The following ARB2A variants were observed in gnomAD, a reference collection of about 807,000 sequenced individuals.
ARB2A encodes ARB2 cotranscriptional regulator A.
the ARB2A span, among the ~76,000 whole-genome samples, chr5:93,848,389 A>T: frequency 3.0e-5 from 4 of 132,250 alleles, no homozygotes; most frequent in Non-Finnish European, 1.5e-5. Context: ...CTAAAGATTA[A>T]AAAAAAAAAA....
At chr5:93,758,131 G>T in the ARB2A span, among the ~76,000 whole-genome samples, 1 of 152,140 alleles carries the variant, frequency 6.6e-6, no homozygotes, top group African/African-American at 2.4e-5. Context: ...TAAAGCAACA[G>T]CAGTTAAAAG....
At chr5:93,653,444 G>A in the ARB2A span, among the ~76,000 whole-genome samples, 6 of 138,098 alleles carry the variant, frequency 4.3e-5, no homozygotes, top group Admixed American at 4.0e-4. Context: ...CCCGGGAGGC[G>A]GAGCTTGCAG....
At chr5:93,769,476 A>C in the ARB2A span, among the ~76,000 whole-genome samples, 4 of 152,162 alleles carry the variant, frequency 2.6e-5, no homozygotes, top group Non-Finnish European at 5.9e-5. Flanking sequence ...CACCTCAATC[A>C]ATGAATGTTG....
At chr5:93,748,324 A>G in the ARB2A span, among the ~76,000 whole-genome samples, 1 of 152,110 alleles carries the variant, frequency 6.6e-6, no homozygotes, top group East Asian at 1.9e-4. Flanking sequence ...TAGAAGACTT[A>G]GGAGAATGAA....
chr5:94,042,103 G>A, the ARB2A span, among the ~76,000 whole-genome samples: 2 of 152,242 alleles, frequency 1.3e-5, 1 homozygote, highest in South Asian at 4.1e-4. Flanking sequence ...AAGGTTTAAA[G>A]GACTGTTTAA....
At chr5:93,949,830 ACTCT>A in the ARB2A span, among the ~76,000 whole-genome samples, 1 of 151,446 alleles carries the variant, frequency 6.6e-6, no homozygotes, top group Admixed American at 6.6e-5. Flanking sequence ...CCATCATTCC[ACTCT>A]CTATCTCCCT....
the ARB2A span, among the ~76,000 whole-genome samples, chr5:94,005,870 T>C: frequency 2.0e-5 from 3 of 152,110 alleles, no homozygotes; most frequent in Non-Finnish European, 4.4e-5. Context: ...GAAAAAAACA[T>C]AGTGACAACA....
the ARB2A span, among the ~76,000 whole-genome samples, chr5:94,073,261 C>T: frequency 7.2e-5 from 11 of 152,054 alleles, no homozygotes; most frequent in Non-Finnish European, 4.4e-5. Context: ...TCTAATATTT[C>T]CAGTTTACTC....
chr5:93,659,251 C>T, the ARB2A span, among the ~76,000 whole-genome samples: 1 of 152,016 alleles, frequency 6.6e-6, no homozygotes, highest in African/African-American at 2.4e-5. Flanking sequence ...ATTTCATAAT[C>T]TTTTGAAACT....
At chr5:93,828,716 CT>C in the ARB2A span, among the ~76,000 whole-genome samples, 9 of 152,198 alleles carry the variant, frequency 5.9e-5, no homozygotes, top group African/African-American at 2.2e-4. Flanking sequence ...AAGTTACTCA[CT>C]CCCTGCTTAG....
At chr5:93,938,586 T>C in the ARB2A span, among the ~76,000 whole-genome samples, 1 of 152,210 alleles carries the variant, frequency 6.6e-6, no homozygotes, top group Non-Finnish European at 1.5e-5. Context: ...CATTTATTAA[T>C]TTTGTATAAG....
chr5:93,730,687 T>C, the ARB2A span, among the ~76,000 whole-genome samples: 1 of 152,186 alleles, frequency 6.6e-6, no homozygotes, highest in Non-Finnish European at 1.5e-5. Flanking sequence ...ATTAGCTTGA[T>C]AAACTTAGTG....
At chr5:93,837,184 G>T in the ARB2A span, among the ~76,000 whole-genome samples, 1 of 151,962 alleles carries the variant, frequency 6.6e-6, no homozygotes, top group Non-Finnish European at 1.5e-5. Context: ...TCATTGTTTA[G>T]CTCTCACTTA....
the ARB2A span, chr5:94,050,659 G>T: frequency 8.8e-7 from 1 of 1,142,026 alleles, no homozygotes; most frequent in Non-Finnish European, 1.2e-6. Flanking sequence ...ATAAACTGCT[G>T]CATCTTCAAA....
chr5:93,982,181 C>T, the ARB2A span, among the ~76,000 whole-genome samples: 1 of 152,082 alleles, frequency 6.6e-6, no homozygotes, highest in Non-Finnish European at 1.5e-5. Flanking sequence ...AAAAAAATCA[C>T]CTATATTTCC....
chr5:93,841,898 G>C, the ARB2A span, among the ~76,000 whole-genome samples: 2 of 152,176 alleles, frequency 1.3e-5, no homozygotes, highest in African/African-American at 4.8e-5. Flanking sequence ...GAAAATGAAG[G>C]AGTCTGTTTT....
At chr5:93,917,896 T>C in the ARB2A span, among the ~76,000 whole-genome samples, 1 of 152,130 alleles carries the variant, frequency 6.6e-6, no homozygotes, top group East Asian at 1.9e-4. Flanking sequence ...AACAAAACAG[T>C]GGTTCTTTCA....
At chr5:93,868,647 A>T in the ARB2A span, among the ~76,000 whole-genome samples, 1 of 152,326 alleles carries the variant, frequency 6.6e-6, no homozygotes, top group South Asian at 2.1e-4. Context: ...GCTTTCCTTC[A>T]TCTCCACCTA....
At chr5:93,840,571 C>T in the ARB2A span, among the ~76,000 whole-genome samples, 3 of 152,106 alleles carry the variant, frequency 2.0e-5, no homozygotes, top group African/African-American at 7.2e-5. Context: ...CCATATGTAT[C>T]CAATTTAACT....
Sources: gnomAD v4.1 joint callset for allele counts (sites outside exome capture counted in the v4.1 genomes callset) on GRCh38, gnomAD v4.1.1 for gene constraint, MANE v1.5 for transcripts, NCBI Gene and HGNC (gene_info 2026-07-23, HGNC 2026-07-21) for gene names.